LRFN2: variants seen among roughly 807,000 people sequenced by gnomAD.
LRFN2 encodes the protein leucine rich repeat and fibronectin type III domain containing 2.
In LRFN2, 18 loss-of-function variants were observed where a neutral mutation model predicts 37.3. That is an observed-to-expected ratio of 0.48 (90% CI 0.33 to 0.72). LRFN2 has a LOEUF of 0.72. Ranked by LOEUF, LRFN2 falls within the 30% of genes least tolerant of loss-of-function variation. LRFN2 has a pLI of 0.02. For missense variants in LRFN2, 1,006 were observed against 1,060.7 expected (o/e 0.95, Z 0.72); for synonymous variants, 556 against 466.6 (o/e 1.19, Z -2.47).
chr6:40,445,532 G>T (rs1763949496), intron 1 of LRFN2, among the ~76,000 whole-genome samples: 1 of 152,214 alleles, frequency 6.6e-6, no homozygotes, highest in Admixed American at 6.5e-5. Flanking sequence ...GATTTCAGCA[G>T]CTTGGGCCAG....
chr6:40,407,366 C>T (rs13207019), intron 2 of LRFN2, among the ~76,000 whole-genome samples: 75,555 of 152,012 alleles, frequency 0.5, 20,234 homozygotes, highest in Non-Finnish European at 0.6. Context: ...GTTCTGCCCC[C>T]GACCAGATGT....
At chr6:40,516,932 C>G (rs1192190576) in intron 1 of LRFN2, among the ~76,000 whole-genome samples, 2 of 152,172 alleles carry the variant, frequency 1.3e-5, no homozygotes, top group African/African-American at 4.8e-5. Flanking sequence ...CCTTCCATAG[C>G]TATTTTTTAT....
chr6:40,510,047 AG>A (rs1260959659), intron 1 of LRFN2, among the ~76,000 whole-genome samples: 1 of 151,182 alleles, frequency 6.6e-6, no homozygotes, highest in Admixed American at 6.6e-5. Context: ...ACTGCTGTGC[AG>A]GTAGGAGAGC....
In LRFN2 at chr6:40,520,792, G is replaced by A. The variant is rs535108847; in HGVS notation, c.-19+66149C>T. Among the ~76,000 whole-genome samples the A allele has an allele frequency of 5.9e-5, 9 of 152,244 alleles. No individual in the cohort carries two copies. In the South Asian group the frequency reaches 8.3e-4, roughly 14 times the overall value. On this transcript the variant is annotated intron_variant, in intron 1 of 2. Coordinates refer to ENST00000338305, the MANE Select transcript of LRFN2 (RefSeq NM_020737.3). ...CCAGGCCTGGCTAGCCAGCCCCTTC[G>A]TGGTCTCCATGGCAGATGCTTGGCC...
intron 1 of LRFN2, among the ~76,000 whole-genome samples, chr6:40,534,021 C>T (rs1766402494): frequency 6.6e-6 from 1 of 152,240 alleles, no homozygotes; most frequent in African/African-American, 2.4e-5. Context: ...ACTGTTACAA[C>T]TTCCCTTCCA....
chr6:40,421,457 G>A (rs1279590977), intron 2 of LRFN2, among the ~76,000 whole-genome samples: 9 of 152,262 alleles, frequency 5.9e-5, no homozygotes, highest in African/African-American at 1.9e-4. Context: ...GAGGTGGGTC[G>A]CTTTGAGGTA....
At chr6:40,563,195 G>A (rs1767031383) in intron 1 of LRFN2, among the ~76,000 whole-genome samples, 1 of 152,092 alleles carries the variant, frequency 6.6e-6, no homozygotes, top group Non-Finnish European at 1.5e-5. Context: ...GTGCAAATGG[G>A]CTCCTCTCTC....
intron 1 of LRFN2, among the ~76,000 whole-genome samples, chr6:40,539,985 T>C (rs1048806401): frequency 6.6e-6 from 1 of 152,034 alleles, no homozygotes; most frequent in African/African-American, 2.4e-5. Context: ...CTGTAATGCT[T>C]GAGATCTGGC....
At chr6:40,410,061 AGCAGGAGGTCTCAGGTGG>A (rs1215401195) in intron 2 of LRFN2, among the ~76,000 whole-genome samples, 1 of 152,160 alleles carries the variant, frequency 6.6e-6, no homozygotes, top group Non-Finnish European at 1.5e-5. Flanking sequence ...GACGACCTAT[AGCAGGAGGTCTCAGGTGG>A]GCAGCTGGGA....
chr6:40,445,248 A>G (rs1181335584), intron 1 of LRFN2, among the ~76,000 whole-genome samples: 1 of 152,244 alleles, frequency 6.6e-6, no homozygotes, highest in East Asian at 1.9e-4. Flanking sequence ...AAGCCATTCA[A>G]TAATGCAGTA....
chr6:40,571,865 G>T (rs1392407455), intron 1 of LRFN2, among the ~76,000 whole-genome samples: 1 of 152,206 alleles, frequency 6.6e-6, no homozygotes, highest in Admixed American at 6.5e-5. Flanking sequence ...CCAGCCTGGT[G>T]CTGTCTCCAT....
chr6:40,540,811 A>G (rs2504835), intron 1 of LRFN2, among the ~76,000 whole-genome samples: 6,866 of 152,262 alleles, frequency 0.045, 524 homozygotes, highest in African/African-American at 0.15. Context: ...AGCACAGCAG[A>G]GGTCTGCAGA....
Position 40,493,065 on chromosome 6 carries a change from G to A in LRFN2, c.-18-59934C>T, listed in dbSNP as rs115452979. Among the ~76,000 whole-genome samples, 1,064 of 152,200 alleles carry A rather than the reference G, an allele frequency of 7.0e-3. 10 individuals are homozygous for A. The highest frequency in any genetic ancestry group is 0.023 in the African/African-American group (971 of 41,528). On this transcript the variant is annotated intron_variant, in intron 1 of 2. Transcript: ENST00000338305. ...AGGGTGGTCAGGAAGAGGGGAGCAA[G>A]GAGACTATGACATATGAAAGAGCCA... is the stretch of plus-strand genomic sequence containing the variant.
chr6:40,565,154 G>C (rs10947898), intron 1 of LRFN2, among the ~76,000 whole-genome samples: 83,341 of 151,982 alleles, frequency 0.55, 23,265 homozygotes, highest in Middle Eastern at 0.63. Context: ...TATAGAAATC[G>C]CTAACATTAA....
At chr6:40,445,558 C>T (rs1388512420) in intron 1 of LRFN2, among the ~76,000 whole-genome samples, 3 of 152,138 alleles carry the variant, frequency 2.0e-5, no homozygotes, top group African/African-American at 7.2e-5. Flanking sequence ...TTAATGAGGA[C>T]ATTCTAGAAG....
At chr6:40,544,174 C>T (rs113489995) in intron 1 of LRFN2, among the ~76,000 whole-genome samples, 2,313 of 152,288 alleles carry the variant, frequency 0.015, 18 homozygotes, top group Non-Finnish European at 0.019. Flanking sequence ...GTGCTGCGAG[C>T]GCACCAGGCC....
At chr6:40,491,182 A>G (rs1023882459) in intron 1 of LRFN2, among the ~76,000 whole-genome samples, 1 of 152,218 alleles carries the variant, frequency 6.6e-6, no homozygotes, top group African/African-American at 2.4e-5. Flanking sequence ...TACCGTCACC[A>G]CGGATGCTCA....
intron 1 of LRFN2, among the ~76,000 whole-genome samples, chr6:40,495,249 A>T (rs1012066556): frequency 3.3e-5 from 5 of 152,188 alleles, no homozygotes; most frequent in Admixed American, 1.3e-4. Flanking sequence ...TCAGAGACCT[A>T]TCTCTTCCTC....
chr6:40,559,568 G>A (rs1296908749), intron 1 of LRFN2, among the ~76,000 whole-genome samples: 3 of 152,202 alleles, frequency 2.0e-5, no homozygotes, highest in East Asian at 3.9e-4. Context: ...AAGAGGGACC[G>A]AGGGGGCTAC....
Sources: allele counts gnomAD v4.1 joint callset (sites outside exome capture counted in the v4.1 genomes callset), GRCh38; gene constraint gnomAD v4.1.1; transcripts MANE v1.5; gene names NCBI Gene and HGNC (gene_info 2026-07-23, HGNC 2026-07-21).